Variants in RAB37 observed in about 807,000 individuals in gnomAD.
RAB37 encodes the protein RAB37, member RAS oncogene family.
Under a neutral mutation model 33.1 loss-of-function variants are expected in RAB37, and 29 were observed. The observed-to-expected ratio is 0.88, with a 90% confidence interval of 0.65 to 1.20. The LOEUF is 1.20. RAB37 is among the 50% of genes most tolerant of loss of function. RAB37 has a pLI of 0.00. For synonymous variants in RAB37, 128 were observed against 119.5 expected (o/e 1.07, Z -0.47); for missense variants, 299 against 301.1 (o/e 0.99, Z 0.05).
intron 1 of RAB37, among the ~76,000 whole-genome samples, chr17:74,703,630 C>G (rs2033258137): frequency 6.6e-6 from 1 of 152,286 alleles, no homozygotes; most frequent in African/African-American, 2.4e-5. Flanking sequence ...GGGGATGCCC[C>G]CTTCTCAGGG....
chr17:74,711,665 C>G (rs1018031984), intron 1 of RAB37, among the ~76,000 whole-genome samples: 7 of 152,126 alleles, frequency 4.6e-5, no homozygotes, highest in Non-Finnish European at 1.0e-4. Context: ...ATCTACTGTT[C>G]CCTGTGCCTG....
At chr17:74,721,242 C>T (rs1327990397) in intron 1 of RAB37, among the ~76,000 whole-genome samples, 1 of 152,166 alleles carries the variant, frequency 6.6e-6, no homozygotes, top group East Asian at 1.9e-4. Context: ...CAGGACCTCG[C>T]CCTCTTTTAC....
chr17:74,737,451 C>T (rs1007110986), intron 1 of RAB37, 86 bp downstream of exon 1: 5 of 1,384,010 alleles, frequency 3.6e-6, no homozygotes, highest in Non-Finnish European at 4.8e-6. Flanking sequence ...AGCCCTTCCC[C>T]CAGGCAGCTG....
chr17:74,698,765 A>T (rs2032762013), intron 1 of RAB37: 2 of 562,348 alleles, frequency 3.6e-6, no homozygotes, highest in Non-Finnish European at 5.9e-6. Flanking sequence ...ATTGGGTACT[A>T]TACCTATTAC....
At chr17:74,689,331 T>G (rs988662405) in intron 1 of RAB37, among the ~76,000 whole-genome samples, 7 of 151,928 alleles carry the variant, frequency 4.6e-5, no homozygotes, top group Admixed American at 4.6e-4. Flanking sequence ...TAATCCCAGC[T>G]ACTTGGGAGG....
chr17:74,743,338 A>G lies in RAB37; in HGVS notation c.364A>G (p.Arg122Gly), dbSNP rs749864575. 2 of 1,613,920 alleles carry G rather than the reference A, an allele frequency of 1.2e-6. No individual in the cohort carries two copies. The highest frequency in any genetic ancestry group is 2.2e-5 in the South Asian group (2 of 91,080). The change falls in exon 5 of 9, where the codon AGG (arginine) becomes GGG (glycine). Residue 122 changes from arginine to glycine, a missense_variant and splice_region_variant. Transcript: ENST00000392613. ...ITNKSSFDNIRAWLTEIHEYA... is the reference protein window; with the variant it reads ...ITNKSSFDNIGAWLTEIHEYA... ...CAACAAATCTTCTTTCGACAACATC[A>G]GGGTAGGTCCTCCCTTCCCCTGACT...
At chr17:74,686,137 G>C (rs2032050423) in intron 1 of RAB37, among the ~76,000 whole-genome samples, 1 of 152,072 alleles carries the variant, frequency 6.6e-6, no homozygotes, top group South Asian at 2.1e-4. Flanking sequence ...CTGTCACCCA[G>C]GCTGGAGTGC....
At chr17:74,704,981 G>C (rs1163643876) in intron 1 of RAB37, among the ~76,000 whole-genome samples, 1 of 152,066 alleles carries the variant, frequency 6.6e-6, no homozygotes. Context: ...CTTTCCACTG[G>C]GTCAAAGCCA....
At chr17:74,690,895 C>T (rs2032146003) in intron 1 of RAB37, among the ~76,000 whole-genome samples, 1 of 152,136 alleles carries the variant, frequency 6.6e-6, no homozygotes, top group Admixed American at 6.6e-5. Context: ...AACAGTATAT[C>T]CAGTAATCTG....
Position 74,676,526 on chromosome 17 carries a change from C to T in RAB37, c.72+4868C>T, listed in dbSNP as rs990926079. Among the ~76,000 whole-genome samples, 3 of 152,226 alleles carry T rather than the reference C, an allele frequency of 2.0e-5. No homozygotes were observed. The highest frequency in any genetic ancestry group is 7.2e-5 in the African/African-American group (3 of 41,458). On this transcript the variant is annotated intron_variant, in intron 1 of 7. Transcript: ENST00000340415. This position sits in a 1 kb window ranked among gnomAD's most constrained non-coding sequence, Gnocchi z 4.1. Reference sequence around the variant, plus strand: ...CTGCCACTCTCCCCCATCTCCTGCACTTATTCTTCACTTCCTTCTTCTATT... The same window carrying T: ...CTGCCACTCTCCCCCATCTCCTGCATTTATTCTTCACTTCCTTCTTCTATT...
At chr17:74,728,359 G>C (rs1950603244) in intron 1 of RAB37, among the ~76,000 whole-genome samples, 2 of 151,628 alleles carry the variant, frequency 1.3e-5, no homozygotes, top group Admixed American at 1.3e-4. Flanking sequence ...ATTTGTGTTT[G>C]TGTGTGTAGA....
chr17:74,671,476 C>T lies in RAB37; in HGVS notation c.-111C>T. The T allele has an allele frequency of 1.0e-6, 1 of 997,360 alleles. No individual in the cohort carries two copies. The highest frequency in any genetic ancestry group is 1.4e-5 in the South Asian group (1 of 73,882). The allele number at this position is 997,360 out of a possible 1,614,324, so 61.8% of individuals were successfully genotyped here. On this transcript the variant is annotated 5_prime_UTR_variant, in exon 1 of 8. Coordinates refer to the RAB37 transcript ENST00000340415. The surrounding 1 kb of genome is among the most constrained non-coding windows in gnomAD (Gnocchi z 5.0). ...AGTGCTGAAAACGGATGCGGCCCGG[C>T]CCGCAGAGCTCAGACCCAAGCCTGC... is the stretch of plus-strand genomic sequence containing the variant.
chr17:74,725,087 T>C (rs2034289639), intron 1 of RAB37, among the ~76,000 whole-genome samples: 1 of 152,184 alleles, frequency 6.6e-6, no homozygotes, highest in Non-Finnish European at 1.5e-5. Context: ...TCTTCCCTCC[T>C]GAACAAAATA....
chr17:74,713,083 G>A, intron 1 of RAB37: 1 of 526,428 alleles, frequency 1.9e-6, no homozygotes, highest in Non-Finnish European at 3.4e-6. Flanking sequence ...AAGGCGGGCG[G>A]ATCACGAGAT....
At chr17:74,698,283 T>G in intron 1 of RAB37, 1 of 934,298 alleles carries the variant, frequency 1.1e-6, no homozygotes, top group Non-Finnish European at 1.7e-6. Flanking sequence ...ATTGTGTGGG[T>G]AATCCCTTGG....
chr17:74,740,592 G>T (rs531925326), intron 1 of RAB37, among the ~76,000 whole-genome samples, 176 bp from the exon 2 acceptor site: 5 of 152,210 alleles, frequency 3.3e-5, no homozygotes, highest in Non-Finnish European at 5.9e-5. Context: ...GCCAAGGAGC[G>T]TGGAGAGGAG....
chr17:74,702,951 C>A (rs1203142425), intron 1 of RAB37: 8 of 1,171,250 alleles, frequency 6.8e-6, no homozygotes, highest in Non-Finnish European at 8.9e-6. Context: ...AGACAAAGCT[C>A]AGGCTGGAAA....
chr17:74,721,314 T>C (rs1278879534), intron 1 of RAB37, among the ~76,000 whole-genome samples: 1 of 152,188 alleles, frequency 6.6e-6, no homozygotes, highest in Non-Finnish European at 1.5e-5. Flanking sequence ...ATCCTTTTAC[T>C]GTTTTCACAG....
chr17:74,683,942 G>A (rs982799206), intron 1 of RAB37, among the ~76,000 whole-genome samples: 1 of 152,222 alleles, frequency 6.6e-6, no homozygotes, highest in Admixed American at 6.5e-5. Context: ...CCGAAGGTGG[G>A]TGGGTGGGCA....
Sources: gnomAD v4.1 joint callset for allele counts (sites outside exome capture counted in the v4.1 genomes callset) on GRCh38, gnomAD v4.1.1 for gene constraint, Gnocchi (gnomAD v3.1) non-coding constraint, MANE v1.5 for transcripts, NCBI Gene and HGNC (gene_info 2026-07-23, HGNC 2026-07-21) for gene names.